Variants in PCDH7 observed in about 807,000 individuals in gnomAD.
PCDH7 encodes protocadherin 7.
Under a neutral mutation model 58.9 loss-of-function variants are expected in PCDH7, and 17 were observed. The ratio of observed to expected loss-of-function variants is 0.29; its 90% CI spans 0.20 to 0.43. PCDH7 has a LOEUF of 0.43. Ranked by LOEUF, PCDH7 falls within the 20% of genes least tolerant of loss-of-function variation. The probability of loss-of-function intolerance (pLI) is 1.00; values close to 1 mark genes in which losing one functional copy is unlikely to be tolerated. For missense variants in PCDH7, 1,274 were observed against 1,441.0 expected, an observed-to-expected ratio of 0.88 and a Z score of 1.88; for synonymous variants, 664 against 616.4, an observed-to-expected ratio of 1.08 and a Z score of -1.14.
intron 3 of PCDH7, among the ~76,000 whole-genome samples, chr4:31,085,104 G>A (rs1712215750): frequency 6.6e-6 from 1 of 152,044 alleles, no homozygotes; most frequent in African/African-American, 2.4e-5. Context: ...TGAGCATTTG[G>A]GGAGCAGAAT....
intron 1 of PCDH7, among the ~76,000 whole-genome samples, chr4:30,773,351 A>G (rs1467244391): frequency 6.6e-6 from 1 of 152,240 alleles, no homozygotes; most frequent in Non-Finnish European, 1.5e-5. Context: ...TGTCAGCAAT[A>G]TAAAAGTATG....
Position 31,123,930 on chromosome 4 carries a change from T to A in PCDH7, c.*8-18543T>A, listed in dbSNP as rs532267225. On this transcript the variant is annotated intron_variant, in intron 3 of 3. Transcript: ENST00000509759. ...CCCCAGCCGAACTTCTCTCCAACCT[T>A]AGTCTCCAATGTCCAGCTGCCTCTT... is the stretch of plus-strand genomic sequence containing the variant. 8.2e-4 allele frequency among the ~76,000 whole-genome samples: 125 copies of A among 152,196 alleles called. 1 individual carries two copies. The highest frequency in any genetic ancestry group is 2.8e-3 in the African/African-American group (117 of 41,542).
At chr4:30,931,059 G>A (rs1212426669) in intron 2 of PCDH7, among the ~76,000 whole-genome samples, 1 of 152,190 alleles carries the variant, frequency 6.6e-6, no homozygotes, top group Non-Finnish European at 1.5e-5. Flanking sequence ...GTCCTGCAGA[G>A]ATGAAGATAA....
At chr4:31,146,087 T>G (rs1200855568), downstream of PCDH7, 7 of 152,072 alleles carry the variant, frequency 4.6e-5, no homozygotes, top group Admixed American at 4.6e-4. Flanking sequence ...TCTGTATGGT[T>G]TCTGACTGGC....
downstream of PCDH7, chr4:31,142,966 T>C: frequency 1.4e-6 from 1 of 701,482 alleles, no homozygotes; most frequent in Non-Finnish European, 2.1e-6. Flanking sequence ...AGACAAAGCT[T>C]TGCCTGCCAC....
intron 3 of PCDH7, among the ~76,000 whole-genome samples, chr4:31,048,486 C>A (rs1443077914): frequency 6.6e-6 from 1 of 151,956 alleles, no homozygotes; most frequent in Non-Finnish European, 1.5e-5. Flanking sequence ...AGAATCTTTC[C>A]ATGTCAGTAG....
intron 3 of PCDH7, among the ~76,000 whole-genome samples, chr4:31,135,450 A>T (rs1233651836): frequency 6.6e-6 from 1 of 152,196 alleles, no homozygotes; most frequent in East Asian, 1.9e-4. Context: ...AGTAACCAGG[A>T]TCCAGTGGCC....
chr4:31,071,788 C>T (rs1358539708), intron 3 of PCDH7, among the ~76,000 whole-genome samples: 1 of 151,990 alleles, frequency 6.6e-6, no homozygotes, highest in Admixed American at 6.6e-5. Context: ...TCAAAAAAGA[C>T]TCAGGAATAC....
intron 1 of PCDH7, among the ~76,000 whole-genome samples, chr4:30,895,426 G>A (rs1739276598): frequency 6.6e-6 from 1 of 152,044 alleles, no homozygotes; most frequent in Non-Finnish European, 1.5e-5. Flanking sequence ...GAGCAGTGTG[G>A]CTATAGGAAC....
chr4:31,133,041 A>T (rs1719181872), intron 3 of PCDH7, among the ~76,000 whole-genome samples: 1 of 152,184 alleles, frequency 6.6e-6, no homozygotes, highest in Non-Finnish European at 1.5e-5. Context: ...TGAGTTTTAT[A>T]ATTTGTTTGT....
rs190269064 is a variant in PCDH7 at position 31,015,203 on chromosome 4, T to G, written c.*7+64988T>G. Among the ~76,000 whole-genome samples the G allele has an allele frequency of 2.5e-3, 376 of 152,344 alleles. 1 individual carries two copies. Among genetic ancestry groups the G allele is most frequent in the Non-Finnish European group, 4.6e-3 (310 of 68,020 alleles). On this transcript the variant is annotated intron_variant, in intron 3 of 3. Coordinates refer to the PCDH7 transcript ENST00000509759. ...TCATAATGGAAACAGCGCTACTTCA[T>G]GCCCTTGTCTTTTTCTGTCAGAAAA...
At chr4:31,086,089 G>T (rs1712397257) in intron 3 of PCDH7, among the ~76,000 whole-genome samples, 1 of 152,062 alleles carries the variant, frequency 6.6e-6, no homozygotes, top group African/African-American at 2.4e-5. Context: ...TCCTGGTTTT[G>T]CTTTGTTTGG....
intron 3 of PCDH7, among the ~76,000 whole-genome samples, chr4:31,060,234 G>A (rs1434875527): frequency 6.6e-6 from 1 of 151,736 alleles, no homozygotes; most frequent in African/African-American, 2.4e-5. Flanking sequence ...GGTTATGAAA[G>A]TAGATATCTT....
intron 1 of PCDH7, among the ~76,000 whole-genome samples, chr4:30,841,886 C>A (rs1731259286): frequency 6.6e-6 from 1 of 152,086 alleles, no homozygotes; most frequent in South Asian, 2.1e-4. Context: ...CCTGAGTTGT[C>A]CATTGAGACA....
chr4:30,756,427 C>G (rs577932601), intron 1 of PCDH7, among the ~76,000 whole-genome samples: 55 of 152,210 alleles, frequency 3.6e-4, no homozygotes, highest in African/African-American at 1.3e-3. Context: ...GAAACTGAGA[C>G]AAATACAGAT....
chr4:30,772,832 T>C (rs1031038119), intron 1 of PCDH7, among the ~76,000 whole-genome samples: 1 of 152,254 alleles, frequency 6.6e-6, no homozygotes, highest in Admixed American at 6.5e-5. Flanking sequence ...TGTTTTTACA[T>C]GTATTATCTT....
intron 3 of PCDH7, among the ~76,000 whole-genome samples, chr4:31,069,898 A>G (rs901887757): frequency 7.0e-5 from 7 of 100,500 alleles, no homozygotes; most frequent in Admixed American, 5.9e-4. Flanking sequence ...GGTTCTCTCA[A>G]CAGATCAGCT....
chr4:30,964,614 C>CTTTTTTTTTT (rs5857217), intron 3 of PCDH7, among the ~76,000 whole-genome samples: 1 of 144,446 alleles, frequency 6.9e-6, no homozygotes, highest in Non-Finnish European at 1.5e-5. Context: ...CACAAATGGA[C>CTTTTTTTTTT]TTTTTTTTTT....
At chr4:31,067,374 C>CAA (rs10715937) in intron 3 of PCDH7, among the ~76,000 whole-genome samples, 36 of 109,584 alleles carry the variant, frequency 3.3e-4, no homozygotes, top group Non-Finnish European at 5.4e-4. Context: ...ATCACTGAGA[C>CAA]AAAAAAAAAA....
Sources: gnomAD v4.1 joint callset for allele counts (sites outside exome capture counted in the v4.1 genomes callset) on GRCh38, gnomAD v4.1.1 for gene constraint, MANE v1.5 for transcripts, NCBI Gene and HGNC (gene_info 2026-07-23, HGNC 2026-07-21) for gene names.